The following GFOD1 variants were observed in gnomAD, a reference collection of about 807,000 sequenced individuals.
The protein encoded by GFOD1 is glucose-fructose oxidoreductase domain-containing protein 1.
Under a neutral mutation model 25.4 loss-of-function variants are expected in GFOD1, and 9 were observed. That is an observed-to-expected ratio of 0.35 (90% CI 0.21 to 0.62). GFOD1 has a LOEUF of 0.62. Among genes scored for constraint, GFOD1 ranks in the 20% least tolerant of loss-of-function variants. The pLI, the probability that GFOD1 is intolerant of heterozygous loss-of-function variation, is 0.72. For synonymous variants in GFOD1, 253 were observed against 245.6 expected, an observed-to-expected ratio of 1.03 and a Z score of -0.28; for missense variants, 403 against 556.9, an observed-to-expected ratio of 0.72 and a Z score of 2.78.
intron 1 of GFOD1, among the ~76,000 whole-genome samples, chr6:13,457,123 G>A (rs1758202791): frequency 6.6e-6 from 1 of 152,192 alleles, no homozygotes; most frequent in Non-Finnish European, 1.5e-5. Flanking sequence ...CACGGAAAGT[G>A]AAAACAGACT....
intron 1 of GFOD1, among the ~76,000 whole-genome samples, chr6:13,433,960 GC>G (rs2127570757): frequency 1.3e-5 from 2 of 152,328 alleles, no homozygotes; most frequent in African/African-American, 4.8e-5. Context: ...TTATTGTAAG[GC>G]CTGCACCAGG....
At chr6:13,414,567 C>T (rs566470410) in intron 1 of GFOD1, among the ~76,000 whole-genome samples, 1 of 152,188 alleles carries the variant, frequency 6.6e-6, no homozygotes, top group African/African-American at 2.4e-5. Flanking sequence ...GGCATGGCCA[C>T]CTAGGTCCCT....
intron 1 of GFOD1, among the ~76,000 whole-genome samples, chr6:13,463,011 G>A (rs996907649): frequency 2.6e-5 from 4 of 152,254 alleles, no homozygotes; most frequent in African/African-American, 9.6e-5. Context: ...GAGGCAGAGA[G>A]CAGCTCTCTT....
chr6:13,420,408 C>T (rs576092703), intron 1 of GFOD1, among the ~76,000 whole-genome samples: 2 of 152,166 alleles, frequency 1.3e-5, no homozygotes, highest in Non-Finnish European at 2.9e-5. Flanking sequence ...AATTCTTGGG[C>T]ATCTTTCCAA....
intron 1 of GFOD1, among the ~76,000 whole-genome samples, chr6:13,455,624 C>T (rs1446797873): frequency 6.6e-6 from 1 of 152,196 alleles, no homozygotes; most frequent in Admixed American, 6.5e-5. Context: ...CAGCACCCCA[C>T]ATGGGCCAAC....
Position 13,430,942 on chromosome 6 carries a change from T to C in GFOD1, c.253+55696A>G, listed in dbSNP as rs1001154365. On this transcript the variant is annotated intron_variant, in intron 1 of 1. Coordinates refer to ENST00000379287, the MANE Select transcript of GFOD1 (RefSeq NM_018988.4). The surrounding 1 kb of genome is among the most constrained non-coding windows in gnomAD (Gnocchi z 4.1). ...CCAGCCATCATACGAATGCCTTATA[T>C]GTGCTTCATCTCATTTGATATTCAC... Among the ~76,000 whole-genome samples the C allele has an allele frequency of 4.6e-5, 7 of 152,230 alleles. No individual in the cohort carries two copies. Among genetic ancestry groups the C allele is most frequent in the Non-Finnish European group, 8.8e-5 (6 of 68,040 alleles).
intron 1 of GFOD1, among the ~76,000 whole-genome samples, chr6:13,381,908 C>T (rs73723290): frequency 0.061 from 5,801 of 95,542 alleles, 177 homozygotes; most frequent in African/African-American, 0.14. Flanking sequence ...AACACACACG[C>T]GCGCGCGCAC....
intron 1 of GFOD1, among the ~76,000 whole-genome samples, chr6:13,445,100 A>G (rs1028614754): frequency 6.6e-6 from 1 of 152,230 alleles, no homozygotes; most frequent in African/African-American, 2.4e-5. Context: ...ATACACTGGC[A>G]GGGACTAAAC....
At chr6:13,480,791 A>T (rs1758733471) in intron 1 of GFOD1, among the ~76,000 whole-genome samples, 1 of 152,164 alleles carries the variant, frequency 6.6e-6, no homozygotes, top group African/African-American at 2.4e-5. Context: ...CTGACCTGGA[A>T]TCTGTTTTTT....
intron 1 of GFOD1, among the ~76,000 whole-genome samples, chr6:13,485,746 CTG>C (rs1224322835): frequency 6.6e-6 from 1 of 152,214 alleles, no homozygotes; most frequent in Non-Finnish European, 1.5e-5. Context: ...CGGGTCAACA[CTG>C]TGCCTTCCGA....
chr6:13,371,678 C>A (rs1174185099), intron 1 of GFOD1, among the ~76,000 whole-genome samples: 1 of 152,190 alleles, frequency 6.6e-6, no homozygotes, highest in East Asian at 1.9e-4. Context: ...CCAAACATTT[C>A]CCAAGTGGTG....
intron 1 of GFOD1, among the ~76,000 whole-genome samples, chr6:13,390,356 C>T (rs552743281): frequency 1.4e-4 from 22 of 151,916 alleles, no homozygotes; most frequent in South Asian, 4.2e-4. Context: ...TTTGGGAGGC[C>T]GAGGCAGGAG....
intron 1 of GFOD1, among the ~76,000 whole-genome samples, chr6:13,427,749 C>T (rs928805330): frequency 2.6e-5 from 4 of 152,084 alleles, no homozygotes; most frequent in African/African-American, 4.8e-5. Flanking sequence ...TTATCCCATG[C>T]GATAATAAAG....
chr6:13,419,996 C>G (rs969936298), intron 1 of GFOD1, among the ~76,000 whole-genome samples: 4 of 152,176 alleles, frequency 2.6e-5, no homozygotes, highest in Non-Finnish European at 5.9e-5. Context: ...CATCTCTCTC[C>G]CCTCTGAGAA....
Position 13,362,174 on chromosome 6 carries a change from C to T in GFOD1, c.*2569G>A, listed in dbSNP as rs1584601663. On this transcript the variant is annotated 3_prime_UTR_variant, in exon 2 of 2. Coordinates refer to ENST00000379287, the MANE Select transcript of GFOD1 (RefSeq NM_018988.4). ...TTCCCAGGGAGCAATTTAGAAGAAC[C>T]AGAATCAGCTGGGTGTGGTGGCTCA... The T allele has an allele frequency of 6.6e-6, 1 of 151,978 alleles. No homozygotes were observed. The highest frequency in any genetic ancestry group is 6.6e-5 in the Admixed American group (1 of 15,240). The allele number at this position is 151,978 out of a possible 1,614,324, so 9.4% of individuals were successfully genotyped here. A position where few individuals can be genotyped will look rare whatever the true frequency, so the allele number is the denominator to read the frequency against.
Position 13,360,646 on chromosome 6 carries a change from C to T in GFOD1, c.*4097G>A, listed in dbSNP as rs550593682. The T allele has an allele frequency of 2.2e-6, 1 of 445,346 alleles. No homozygotes were observed. The highest frequency in any genetic ancestry group is 2.0e-5 in the African/African-American group (1 of 49,968). The allele number at this position is 445,346 out of a possible 1,614,324, so 27.6% of individuals were successfully genotyped here. ...TTTAAAAAAGGCTGAGTGATATTTCCATTTTGGAATGGGAAGAAACACTGG... is the reference window on the plus strand; with the variant it reads ...TTTAAAAAAGGCTGAGTGATATTTCTATTTTGGAATGGGAAGAAACACTGG... On this transcript the variant is annotated 3_prime_UTR_variant, in exon 2 of 2. Transcript: ENST00000379287.
intron 1 of GFOD1, among the ~76,000 whole-genome samples, chr6:13,371,205 T>C (rs1785144315): frequency 6.6e-6 from 1 of 152,204 alleles, no homozygotes. Flanking sequence ...TGTTTTCTTA[T>C]AAGCCCTTTA....
chr6:13,370,240 G>A (rs974850203), intron 1 of GFOD1, among the ~76,000 whole-genome samples: 7 of 152,138 alleles, frequency 4.6e-5, no homozygotes, highest in Non-Finnish European at 8.8e-5. Flanking sequence ...ATTTGCTCAA[G>A]ACCTCTTTAT....
chr6:13,485,068 AGCATTCAGTTCAATG>A (rs1040434573), intron 1 of GFOD1, among the ~76,000 whole-genome samples: 1 of 152,248 alleles, frequency 6.6e-6, no homozygotes, highest in African/African-American at 2.4e-5. Context: ...AATAAATATT[AGCATTCAGTTCAATG>A]GCATTCAGTT....
Sources: allele counts gnomAD v4.1 joint callset (sites outside exome capture counted in the v4.1 genomes callset), GRCh38; gene constraint gnomAD v4.1.1; non-coding constraint Gnocchi (gnomAD v3.1); transcripts MANE v1.5; gene names NCBI Gene and HGNC (gene_info 2026-07-23, HGNC 2026-07-21).